The following TRAPPC9 variants were observed in gnomAD, a reference collection of about 807,000 sequenced individuals.
TRAPPC9 encodes the protein IKK2 binding protein.
A neutral mutation model predicts 124.0 loss-of-function variants in TRAPPC9; 83 were observed. The ratio of observed to expected loss-of-function variants is 0.67; its 90% CI spans 0.56 to 0.80. TRAPPC9 has a LOEUF of 0.80. Ranked by LOEUF, TRAPPC9 falls within the 30% of genes least tolerant of loss-of-function variation. The probability of loss-of-function intolerance (pLI) is 0.00; values close to 1 mark genes in which losing one functional copy is unlikely to be tolerated. For synonymous variants in TRAPPC9, 638 were observed against 617.5 expected (o/e 1.03, Z -0.49); for missense variants, 1,302 against 1,508.3 (o/e 0.86, Z 2.27).
intron 21 of TRAPPC9, among the ~76,000 whole-genome samples, chr8:139,798,642 G>A (rs1031518459): frequency 6.6e-5 from 10 of 152,324 alleles, no homozygotes; most frequent in Admixed American, 2.6e-4. Context: ...TGTCAAGAGC[G>A]TAAATACGGT....
intron 21 of TRAPPC9, among the ~76,000 whole-genome samples, chr8:139,810,951 C>A (rs1249424466): frequency 1.3e-5 from 2 of 152,216 alleles, no homozygotes; most frequent in Non-Finnish European, 2.9e-5. Flanking sequence ...CACTTCCCAT[C>A]TACTTTAGGG....
At chr8:140,129,862 T>C (rs537220896) in intron 17 of TRAPPC9, among the ~76,000 whole-genome samples, 1 of 152,222 alleles carries the variant, frequency 6.6e-6, no homozygotes, top group East Asian at 1.9e-4. Flanking sequence ...CGTGTACGCA[T>C]GCACACGCAC....
intron 7 of TRAPPC9, 31 bp downstream of exon 7, chr8:140,397,589 C>T: frequency 6.2e-7 from 1 of 1,613,124 alleles, no homozygotes; most frequent in Non-Finnish European, 8.5e-7. Flanking sequence ...ACTGGATGAA[C>T]TCTTCCACTT....
intron 9 of TRAPPC9, among the ~76,000 whole-genome samples, chr8:140,358,451 C>T (rs1025049425): frequency 6.6e-5 from 10 of 152,304 alleles, no homozygotes; most frequent in African/African-American, 2.2e-4. Context: ...AGGTGATCCG[C>T]CCACCTGGGC....
intron 21 of TRAPPC9, among the ~76,000 whole-genome samples, chr8:139,775,601 G>A (rs535514344): frequency 3.6e-4 from 55 of 152,306 alleles, no homozygotes; most frequent in Admixed American, 2.4e-3. Context: ...GCTGAGTCCC[G>A]AGGACATCTG....
At chr8:139,846,119 A>T (rs1169275455) in intron 21 of TRAPPC9, among the ~76,000 whole-genome samples, 2 of 152,258 alleles carry the variant, frequency 1.3e-5, no homozygotes, top group Non-Finnish European at 2.9e-5. Flanking sequence ...TCTGTGAAGA[A>T]ACACCGCTAC....
chr8:140,244,467 G>C (rs1380201048), intron 16 of TRAPPC9, among the ~76,000 whole-genome samples: 1 of 152,130 alleles, frequency 6.6e-6, no homozygotes, highest in African/African-American at 2.4e-5. Flanking sequence ...AAAGTACACA[G>C]AGAAAGAAAA....
At chr8:140,064,105 T>C (rs1842777111) in intron 17 of TRAPPC9, among the ~76,000 whole-genome samples, 2 of 152,070 alleles carry the variant, frequency 1.3e-5, no homozygotes, top group Admixed American at 6.6e-5. Context: ...CTGTCTACAA[T>C]GACATAGTCA....
chr8:140,146,391 C>T (rs2061462611), intron 17 of TRAPPC9, among the ~76,000 whole-genome samples: 1 of 152,248 alleles, frequency 6.6e-6, no homozygotes, highest in Admixed American at 6.5e-5. Flanking sequence ...GAATAGGTTC[C>T]AAGTCGCATT....
chr8:139,874,555 A>G (rs2131057234), intron 21 of TRAPPC9, among the ~76,000 whole-genome samples: 1 of 152,310 alleles, frequency 6.6e-6, no homozygotes, highest in East Asian at 1.9e-4. Context: ...CAAGAACCTG[A>G]GTTAGAAGGA....
At chr8:139,978,944 C>T (rs533156542) in intron 19 of TRAPPC9, among the ~76,000 whole-genome samples, 28 of 152,182 alleles carry the variant, frequency 1.8e-4, no homozygotes, top group African/African-American at 6.3e-4. Context: ...TCTTCATAGA[C>T]GGGCAGAGAC....
chr8:140,045,310 G>A (rs138429933), intron 17 of TRAPPC9, among the ~76,000 whole-genome samples: 3 of 152,264 alleles, frequency 2.0e-5, no homozygotes, highest in East Asian at 3.9e-4. Context: ...CATTAAATGA[G>A]CACAAGGACC....
intron 19 of TRAPPC9, among the ~76,000 whole-genome samples, chr8:139,923,396 T>C (rs1475114203): frequency 3.9e-5 from 6 of 152,174 alleles, no homozygotes; most frequent in African/African-American, 1.4e-4. Context: ...CGGCGCCCCA[T>C]CTGAACACAT....
chr8:139,952,665 A>C (rs990071730), intron 19 of TRAPPC9, among the ~76,000 whole-genome samples: 1 of 152,204 alleles, frequency 6.6e-6, no homozygotes, highest in African/African-American at 2.4e-5. Context: ...CTGCAAGACA[A>C]GGCAGGTCGC....
intron 21 of TRAPPC9, among the ~76,000 whole-genome samples, chr8:139,851,185 G>A (rs1256163136): frequency 6.6e-6 from 1 of 152,224 alleles, no homozygotes; most frequent in Non-Finnish European, 1.5e-5. Flanking sequence ...AACCACTGCA[G>A]AGAGGTATGA....
intron 18 of TRAPPC9, among the ~76,000 whole-genome samples, chr8:139,992,662 G>A (rs1001971553): frequency 6.7e-6 from 1 of 149,698 alleles, no homozygotes; most frequent in Non-Finnish European, 1.5e-5. Flanking sequence ...CTAGATGTCA[G>A]GAATTGTTAT....
In TRAPPC9 at chr8:139,728,509, C is replaced by A. The variant is rs1453565160; in HGVS notation, c.*2552G>T. On this transcript the variant is annotated 3_prime_UTR_variant, in exon 23 of 23. Transcript: ENST00000438773. ...TGCGCTGTCACTGAGACACCTGCCC[C>A]AGGTCCTCCATCTCAGCCACTGCCC... 6.6e-6 allele frequency among the ~76,000 whole-genome samples: 1 copy of A among 152,188 alleles called. No homozygotes were observed. The highest frequency in any genetic ancestry group is 1.5e-5 in the Non-Finnish European group (1 of 68,036).
At position 140,147,370 on chromosome 8, in the gene TRAPPC9, G is replaced by A. The variant is rs145494848; in HGVS notation, c.2556+74089C>T. ...TTTGTTGAGTGAGGGCAGCACAAAC[G>A]CTCCTAGCACACAGGCAGAACTTCA... On this transcript the variant is annotated intron_variant, in intron 17 of 22. Coordinates refer to ENST00000438773, the MANE Select transcript of TRAPPC9 (RefSeq NM_001160372.4). 6.4e-3 allele frequency among the ~76,000 whole-genome samples: 982 copies of A among 152,298 alleles called. 5 individuals are homozygous for A. Among genetic ancestry groups the A allele is most frequent in the Non-Finnish European group, 0.01 (688 of 68,030 alleles).
intron 5 of TRAPPC9, among the ~76,000 whole-genome samples, chr8:140,408,251 G>C (rs1245220196): frequency 1.3e-5 from 2 of 152,032 alleles, no homozygotes; most frequent in African/African-American, 4.8e-5. Context: ...TGGGAGGAGA[G>C]ACAAAGAAAG....
Sources: gnomAD v4.1 joint callset for allele counts (sites outside exome capture counted in the v4.1 genomes callset) on GRCh38, gnomAD v4.1.1 for gene constraint, MANE v1.5 for transcripts, NCBI Gene and HGNC (gene_info 2026-07-23, HGNC 2026-07-21) for gene names.